ABCD4: variants seen among roughly 807,000 people sequenced by gnomAD.
The protein encoded by ABCD4 is lysosomal cobalamin transporter ABCD4.
ABCD4 carries 53 observed loss-of-function variants against 86.3 expected under a neutral mutation model. The observed-to-expected ratio is 0.61, with a 90% CI of 0.49 to 0.77. ABCD4 has a LOEUF of 0.77. ABCD4 is among the 30% of genes least tolerant of loss of function. The pLI, the probability that ABCD4 is intolerant of heterozygous loss-of-function variation, is 0.00. For missense variants in ABCD4, 757 were observed against 764.5 expected (o/e 0.99, Z 0.12); for synonymous variants, 328 against 313.6 (o/e 1.05, Z -0.49).
In ABCD4 at chr14:74,300,252, G is replaced by A; in HGVS notation, c.55C>T (p.Gln19Ter). 6.2e-7 allele frequency: 1 copy of A among 1,613,186 alleles called. No individual in the cohort carries two copies. Among genetic ancestry groups the A allele is most frequent in the Non-Finnish European group, 8.5e-7 (1 of 1,179,390 alleles). The change falls in exon 2 of 19, where the codon CAA becomes TAA. Residue 19 changes from glutamine (Q) to a stop codon, truncating the protein, a stop_gained. Transcript: ENST00000356924. LOFTEE classifies it high-confidence loss of function. ...GAGARPRLDL[Q>*]FLQRFLQILK... ...ATCTGCAGGAACCGCTGGAGAAATT[G>A]CAGATCTAACCTGGGCCTGAAGAGA...
chr14:74,290,328 CA>C lies in ABCD4; in HGVS notation c.1289del (p.Leu430CysfsTer19), dbSNP rs1566938525. 6.2e-7 allele frequency: 1 copy of C among 1,614,198 alleles called. No homozygotes were observed. Among genetic ancestry groups the C allele is most frequent in the Non-Finnish European group, 8.5e-7 (1 of 1,180,040 alleles). Reference protein sequence around the residue: ...TGNTGTGKTSLLRVLGGLWTS... With the variant: ...TGNTGTGKTSXLRVLGGLWTS... Reference sequence around the variant, plus strand: ...TCCAGAGGCCACCCAGAACCCGGAGCAAGGAGGTCTTGCCAGTGCCCGTGTT... The same window carrying C: ...TCCAGAGGCCACCCAGAACCCGGAGCAGGAGGTCTTGCCAGTGCCCGTGTT... On this transcript the variant is annotated frameshift_variant, in exon 12 of 19. Transcript: ENST00000356924. LOFTEE classifies it high-confidence loss of function.
At chr14:74,289,342 G>C in intron 14 of ABCD4, 141 bp downstream of exon 14, 2 of 1,461,000 alleles carry the variant, frequency 1.4e-6, no homozygotes, top group Non-Finnish European at 1.8e-6. Context: ...ACAGTCAAAG[G>C]AAGAGGAGAG....
Position 74,295,209 on chromosome 14 carries a change from C to T in ABCD4, c.669-11G>A. 1 of 1,609,960 alleles carries T rather than the reference C, an allele frequency of 6.2e-7. No homozygotes were observed. The highest frequency in any genetic ancestry group is 8.5e-7 in the Non-Finnish European group (1 of 1,179,218). ...TGCATGTGCTTGAACCTGGGCGGAC[C>T]AAAGGGAAATGTGTGCTGACAACAG... is the stretch of plus-strand genomic sequence containing the variant. On this transcript the variant is annotated splice_polypyrimidine_tract_variant and intron_variant, in intron 6 of 18. Transcript: ENST00000356924.
At position 74,289,002 on chromosome 14, in the gene ABCD4, C is replaced by T. The variant is rs148595545; in HGVS notation, c.1457-237G>A. 1,956 of 907,864 alleles carry T rather than the reference C, an allele frequency of 2.2e-3. 33 individuals are homozygous for T. The Admixed American group carries it at 0.045, about 21-fold the overall frequency. The allele number at this position is 907,864 out of a possible 1,614,324, so 56.2% of individuals were successfully genotyped here. A position where few individuals can be genotyped will look rare whatever the true frequency, so the allele number is the denominator to read the frequency against. ...TGGCGTGCACCTGTAGCCCCAGCTACGGAAGAGGCTGAGGCAGGGGAATTG... is the reference window on the plus strand; with the variant it reads ...TGGCGTGCACCTGTAGCCCCAGCTATGGAAGAGGCTGAGGCAGGGGAATTG... On this transcript the variant is annotated intron_variant, in intron 14 of 18. Transcript: ENST00000356924.
At chr14:74,302,740 T>G (rs1183130293) in intron 1 of ABCD4, 135 bp downstream of exon 1, 3 of 1,060,538 alleles carry the variant, frequency 2.8e-6, no homozygotes, top group Non-Finnish European at 3.9e-6. Context: ...CTTCGAGAGC[T>G]CCTCTTTCTC....
intron 17 of ABCD4, 147 bp downstream of exon 17, chr14:74,287,663 C>T (rs576652479): frequency 2.8e-6 from 2 of 714,582 alleles, no homozygotes; most frequent in African/African-American, 1.8e-5. Flanking sequence ...GCACTGTTTA[C>T]ACGGGCAGGG....
At position 74,287,801 on chromosome 14, in the gene ABCD4, A is replaced by G; in HGVS notation, c.1636+9T>C. On this transcript the variant is annotated intron_variant, in intron 17 of 18. Transcript: ENST00000356924. ...GCATGGCATGTGCAGCCACAAGGCG[A>G]GACCTCACCTGCGTACTTCGGCTGC... 6.2e-7 allele frequency: 1 copy of G among 1,608,912 alleles called. No homozygotes were observed. The highest frequency in any genetic ancestry group is 8.5e-7 in the Non-Finnish European group (1 of 1,177,588).
At chr14:74,298,630 T>C (rs2083499379) in intron 3 of ABCD4, among the ~76,000 whole-genome samples, 1 of 152,196 alleles carries the variant, frequency 6.6e-6, no homozygotes. Flanking sequence ...CACTGTCTTA[T>C]TTTGAGAGTA....
intron 17 of ABCD4, among the ~76,000 whole-genome samples, chr14:74,287,564 A>AG: frequency 6.6e-6 from 1 of 151,256 alleles, no homozygotes; most frequent in African/African-American, 2.5e-5. Flanking sequence ...AAAAAAAAAA[A>AG]AAAAAAGAAA....
At position 74,295,851 on chromosome 14, in the gene ABCD4, C is replaced by T; in HGVS notation, c.668+3G>A. ...CCAGAAACCTCAAGTGAGGGAGACA[C>T]ACCTAAAATCTCCCTCCAGCTTCTC... is the stretch of plus-strand genomic sequence containing the variant. On this transcript the variant is annotated splice_donor_region_variant and intron_variant, in intron 6 of 18. Transcript: ENST00000356924. 1.2e-6 allele frequency: 2 copies of T among 1,613,436 alleles called. No individual in the cohort carries two copies. The highest frequency in any genetic ancestry group is 1.1e-5 in the South Asian group (1 of 90,968).
intron 11 of ABCD4, among the ~76,000 whole-genome samples, 157 bp downstream of exon 11, chr14:74,292,130 C>A (rs957304935): frequency 6.6e-6 from 1 of 152,186 alleles, no homozygotes; most frequent in African/African-American, 2.4e-5. Context: ...GGAACAGCAA[C>A]ATCGACTGTG....
rs1425500822 is a variant in ABCD4, at chr14:74,287,896, G to C, written c.1560-10C>G. 1.2e-5 allele frequency: 19 copies of C among 1,610,304 alleles called. No homozygotes were observed. The Admixed American group carries it at 3.2e-4, about 27-fold the overall frequency. ...GGACAGAACATCATACCTGAGGAAA[G>C]GTAGGAGAGAGGACTGCTAGAGGAG... On this transcript the variant is annotated splice_polypyrimidine_tract_variant and intron_variant, in intron 16 of 18. Transcript: ENST00000356924.
intron 17 of ABCD4, 66 bp from the exon 18 acceptor site, chr14:74,286,882 C>T: frequency 6.8e-7 from 1 of 1,463,690 alleles, no homozygotes; most frequent in East Asian, 2.3e-5. Context: ...CTTCTCCTCC[C>T]ACCCATACTC....
At position 74,286,458 on chromosome 14, in the gene ABCD4, G is replaced by C. The variant is rs2079766781; in HGVS notation, c.*3C>G. 1 of 1,614,136 alleles carries C rather than the reference G, an allele frequency of 6.2e-7. No individual in the cohort carries two copies. The highest frequency in any genetic ancestry group is 1.3e-5 in the African/African-American group (1 of 75,070). ...TGTGGCTCTCCTTCCAAAAGCCAGA[G>C]CTTCATTCCACTTTGATTCTCATCA... On this transcript the variant is annotated 3_prime_UTR_variant, in exon 19 of 19. Coordinates refer to ENST00000356924, the MANE Select transcript of ABCD4 (RefSeq NM_005050.4).
intron 10 of ABCD4, 31 bp downstream of exon 10, chr14:74,292,520 C>T (rs1186194280): frequency 1.9e-6 from 3 of 1,610,948 alleles, no homozygotes; most frequent in African/African-American, 1.3e-5. Context: ...ACACTTTGCT[C>T]AGGAGCCAGA....
chr14:74,290,528 G>A, intron 11 of ABCD4, 29 bp from the exon 12 acceptor site: 2 of 1,589,576 alleles, frequency 1.3e-6, no homozygotes, highest in South Asian at 2.2e-5. Context: ...GGGGCGTGAG[G>A]AAGATGGGCA....
At chr14:74,291,490 T>C (rs1360726592) in intron 11 of ABCD4, among the ~76,000 whole-genome samples, 2 of 152,196 alleles carry the variant, frequency 1.3e-5, no homozygotes, top group Admixed American at 6.5e-5. Flanking sequence ...AGAGTACTAA[T>C]AACAAGAATG....
In ABCD4 at chr14:74,295,928, G is replaced by A. The variant is rs202070697; in HGVS notation, c.594C>T (p.Thr198=). The change falls in exon 6 of 19, where the codon ACC becomes ACT. Residue 198 remains threonine, a synonymous_variant. Coordinates refer to ENST00000356924, the MANE Select transcript of ABCD4 (RefSeq NM_005050.4). ...GGCCCATCAAAGTTTTGTTCACCAC[G>A]GTCCCCAGGATGAAATACCCGAAGA... ...VSIFGYFILG[T]VVNKTLMGPI... 5.2e-5 allele frequency: 84 copies of A among 1,612,400 alleles called. No individual in the cohort carries two copies. Among genetic ancestry groups the A allele is most frequent in the South Asian group, 5.0e-4 (45 of 90,784 alleles).
At position 74,302,858 on chromosome 14, in the gene ABCD4, C is replaced by A; in HGVS notation, c.38+17G>T. On this transcript the variant is annotated intron_variant, in intron 1 of 18. Coordinates refer to ENST00000356924, the MANE Select transcript of ABCD4 (RefSeq NM_005050.4). Reference sequence around the variant, plus strand: ...GAACTCCTGCTCCCAAACCTCCTCCCCGACCGCCCTGCTTACCTGGCGCCA... The same window carrying A: ...GAACTCCTGCTCCCAAACCTCCTCCACGACCGCCCTGCTTACCTGGCGCCA... 1 of 1,605,570 alleles carries A rather than the reference C, an allele frequency of 6.2e-7. No individual in the cohort carries two copies. Among genetic ancestry groups the A allele is most frequent in the South Asian group, 1.1e-5 (1 of 89,720 alleles).
Sources: gnomAD v4.1 joint callset for allele counts (sites outside exome capture counted in the v4.1 genomes callset) on GRCh38, gnomAD v4.1.1 for gene constraint, MANE v1.5 for transcripts, NCBI Gene and HGNC (gene_info 2026-07-23, HGNC 2026-07-21) for gene names.